The following TSTD2 variants were observed in gnomAD, a reference collection of about 807,000 sequenced individuals.
TSTD2 encodes the protein thiosulfate sulfurtransferase/rhodanese-like domain-containing protein 2.
TSTD2 carries 37 observed loss-of-function variants against 47.9 expected under a neutral mutation model. That is an observed-to-expected ratio of 0.77 (90% confidence interval 0.59 to 1.02). The LOEUF (loss-of-function observed/expected upper bound fraction) is 1.02. Among genes scored for constraint, TSTD2 ranks in the 50% least tolerant of loss-of-function variants. The pLI, the probability that TSTD2 is intolerant of heterozygous loss-of-function variation, is 0.00. For missense variants in TSTD2, 586 were observed against 616.0 expected, an observed-to-expected ratio of 0.95 and a Z score of 0.52; for synonymous variants, 201 against 215.9, an observed-to-expected ratio of 0.93 and a Z score of 0.61.
chr9:97,615,431 C>T (rs60596698), intron 4 of TSTD2, among the ~76,000 whole-genome samples: 17,900 of 152,226 alleles, frequency 0.12, 2,978 homozygotes, highest in African/African-American at 0.36. Context: ...CCAGATCTTA[C>T]TAGCTCCCAA....
intron 6 of TSTD2, among the ~76,000 whole-genome samples, chr9:97,608,169 T>G (rs1405803485): frequency 2.7e-5 from 4 of 150,914 alleles, no homozygotes; most frequent in Non-Finnish European, 5.9e-5. Context: ...AGCAACAGAG[T>G]GAGACTCCAT....
In TSTD2 at chr9:97,605,648, CAT is replaced by C. The variant is rs747733497; in HGVS notation, c.955-9_955-8del. On this transcript the variant is annotated splice_polypyrimidine_tract_variant and splice_region_variant and intron_variant, in intron 7 of 9. Transcript: ENST00000341170. ...AGCAGCCTTGGAATCGTCCCTGTAACATAGGAGCAACAAAAGGAAAATTATCA... is the reference window on the plus strand; with the variant it reads ...AGCAGCCTTGGAATCGTCCCTGTAACAGGAGCAACAAAAGGAAAATTATCA... The C allele has an allele frequency of 1.9e-6, 3 of 1,614,108 alleles. No homozygotes were observed. Among genetic ancestry groups the C allele is most frequent in the African/African-American group, 1.3e-5 (1 of 75,024 alleles).
Position 97,601,386 on chromosome 9 carries a change from A to G in TSTD2, c.*1083T>C, listed in dbSNP as rs901176916. 9.5e-7 allele frequency: 1 copy of G among 1,051,332 alleles called. No homozygotes were observed. Among genetic ancestry groups the G allele is most frequent in the African/African-American group, 1.7e-5 (1 of 58,454 alleles). 65.1% of individuals were successfully genotyped at this position (1,051,332 alleles called of 1,614,324 possible). A position where few individuals can be genotyped will look rare whatever the true frequency, so the allele number is the denominator to read the frequency against. ...AATGTGTCATGTATTCCAGGTGCTG[A>G]TCTAAAAACTGTGGCTCAAATGTCA... On this transcript the variant is annotated 3_prime_UTR_variant, in exon 10 of 10. Transcript: ENST00000341170.
At chr9:97,618,869 A>G (rs1328539690) in intron 3 of TSTD2, among the ~76,000 whole-genome samples, 1 of 152,158 alleles carries the variant, frequency 6.6e-6, no homozygotes, top group East Asian at 1.9e-4. Context: ...CTTCTTGTCT[A>G]TTTTAGATCC....
Position 97,602,244 on chromosome 9 carries a change from C to T in TSTD2, c.*225G>A. 1.8e-6 allele frequency: 1 copy of T among 551,196 alleles called. No homozygotes were observed. Among genetic ancestry groups the T allele is most frequent in the South Asian group, 2.8e-5 (1 of 35,268 alleles). The allele number at this position is 551,196 out of a possible 1,614,324, so 34.1% of individuals were successfully genotyped here. ...CAGCTTTGGGATCCCATGCAGCTCA[C>T]CTATTTTCTGTGCTCTAGCATCATC... On this transcript the variant is annotated 3_prime_UTR_variant, in exon 10 of 10. Coordinates refer to ENST00000341170, the MANE Select transcript of TSTD2 (RefSeq NM_139246.5).
At chr9:97,622,013 C>A (rs1260850646) in intron 3 of TSTD2, among the ~76,000 whole-genome samples, 1 of 152,110 alleles carries the variant, frequency 6.6e-6, no homozygotes, top group Non-Finnish European at 1.5e-5. Context: ...GGACACCTAG[C>A]TGTAAAATTT....
chr9:97,604,723 C>G lies in TSTD2; in HGVS notation c.1252+4G>C. ...GTTTGGGCTCTGAGCCTGTGCTGAC[C>G]TACCTGACACCACATCACTGTTGTA... is the stretch of plus-strand genomic sequence containing the variant. On this transcript the variant is annotated splice_donor_region_variant and intron_variant, in intron 9 of 9. Coordinates refer to ENST00000341170, the MANE Select transcript of TSTD2 (RefSeq NM_139246.5). The G allele has an allele frequency of 6.2e-7, 1 of 1,614,132 alleles. No homozygotes were observed. The highest frequency in any genetic ancestry group is 8.5e-7 in the Non-Finnish European group (1 of 1,179,990).
At chr9:97,607,798 G>A (rs900347659) in intron 6 of TSTD2, among the ~76,000 whole-genome samples, 11 of 152,154 alleles carry the variant, frequency 7.2e-5, no homozygotes, top group African/African-American at 2.7e-4. Flanking sequence ...CAGCTACTCA[G>A]TAGGCTGAGG....
In TSTD2 at chr9:97,600,831, G is replaced by T; in HGVS notation, c.*1638C>A. On this transcript the variant is annotated 3_prime_UTR_variant, in exon 10 of 10. Coordinates refer to ENST00000341170, the MANE Select transcript of TSTD2 (RefSeq NM_139246.5). Reference sequence around the variant, plus strand: ...CAGATCTCTTTTTAACATCATGTGCGTCTCTTGGGATCCAGCAAAAGTGTT... The same window carrying T: ...CAGATCTCTTTTTAACATCATGTGCTTCTCTTGGGATCCAGCAAAAGTGTT... 1 of 1,072,826 alleles carries T rather than the reference G, an allele frequency of 9.3e-7. No homozygotes were observed. The highest frequency in any genetic ancestry group is 1.1e-6 in the Non-Finnish European group (1 of 879,128). The allele number at this position is 1,072,826 out of a possible 1,614,324, so 66.5% of individuals were successfully genotyped here.
chr9:97,607,858 G>A (rs1361378168), intron 6 of TSTD2, among the ~76,000 whole-genome samples: 6 of 152,016 alleles, frequency 3.9e-5, no homozygotes, highest in Non-Finnish European at 7.4e-5. Context: ...GAGCATTCCA[G>A]CCTGGGCAAC....
chr9:97,627,927 A>G (rs1826748855), intron 1 of TSTD2, among the ~76,000 whole-genome samples: 1 of 152,244 alleles, frequency 6.6e-6, no homozygotes, highest in Non-Finnish European at 1.5e-5. Flanking sequence ...ATGAAGAATA[A>G]TCAGCAGGGT....
At position 97,600,893 on chromosome 9, in the gene TSTD2, G is replaced by C; in HGVS notation, c.*1576C>G. 1 of 1,152,700 alleles carries C rather than the reference G, an allele frequency of 8.7e-7. No individual in the cohort carries two copies. The highest frequency in any genetic ancestry group is 1.1e-6 in the Non-Finnish European group (1 of 919,234). The allele number at this position is 1,152,700 out of a possible 1,614,324, so 71.4% of individuals were successfully genotyped here. ...CCCTTGTGCCTTTTAATATACCACA[G>C]TGCCAGTTAAACTAATATTTTTGTT... On this transcript the variant is annotated 3_prime_UTR_variant, in exon 10 of 10. Transcript: ENST00000341170.
chr9:97,625,605 A>G (rs1249176224), intron 3 of TSTD2, 76 bp downstream of exon 3: 1 of 1,404,340 alleles, frequency 7.1e-7, no homozygotes, highest in Non-Finnish European at 9.6e-7. Flanking sequence ...AGCCATTTTA[A>G]TGGGTGAATT....
In TSTD2 at chr9:97,600,873, G is replaced by A. The variant is rs892082026; in HGVS notation, c.*1596C>T. On this transcript the variant is annotated 3_prime_UTR_variant, in exon 10 of 10. Transcript: ENST00000341170. Reference sequence around the variant, plus strand: ...AAAAGTGTTAAGCCACAATGCCCTTGTGCCTTTTAATATACCACAGTGCCA... The same window carrying A: ...AAAAGTGTTAAGCCACAATGCCCTTATGCCTTTTAATATACCACAGTGCCA... 9.0e-6 allele frequency: 10 copies of A among 1,116,562 alleles called. No individual in the cohort carries two copies. Among genetic ancestry groups the A allele is most frequent in the Non-Finnish European group, 7.8e-6 (7 of 902,026 alleles). The allele number at this position is 1,116,562 out of a possible 1,614,324, so 69.2% of individuals were successfully genotyped here.
chr9:97,606,317 ATCATGAC>A, intron 6 of TSTD2, 56 bp from the exon 7 acceptor site: 2 of 1,031,470 alleles, frequency 1.9e-6, no homozygotes, highest in Non-Finnish European at 2.9e-6. Context: ...CCAAAACCCA[ATCATGAC>A]TCACCCAGCC....
chr9:97,632,797 C>T (rs991146059), intron 1 of TSTD2, among the ~76,000 whole-genome samples: 3 of 152,122 alleles, frequency 2.0e-5, no homozygotes, highest in Non-Finnish European at 2.9e-5. Context: ...GGGAAAAGAG[C>T]TAAGAAAGAC....
chr9:97,605,222 G>C (rs1300759642), intron 8 of TSTD2, among the ~76,000 whole-genome samples: 1 of 152,208 alleles, frequency 6.6e-6, no homozygotes, highest in African/African-American at 2.4e-5. Flanking sequence ...AAAAGGATCA[G>C]GAAAAGGGAG....
rs1342850064 is a variant in TSTD2 at position 97,602,464 on chromosome 9, G to T, written c.*5C>A. 1.9e-6 allele frequency: 3 copies of T among 1,588,684 alleles called. No homozygotes were observed. Among genetic ancestry groups the T allele is most frequent in the Non-Finnish European group, 2.6e-6 (3 of 1,164,522 alleles). On this transcript the variant is annotated 3_prime_UTR_variant, in exon 10 of 10. Coordinates refer to ENST00000341170, the MANE Select transcript of TSTD2 (RefSeq NM_139246.5). ...GAGGGCCTGGGAAAATGCCAAAGGTGCTGCTCACATAAGCACTGGCCCATC... is the reference window on the plus strand; with the variant it reads ...GAGGGCCTGGGAAAATGCCAAAGGTTCTGCTCACATAAGCACTGGCCCATC...
intron 3 of TSTD2, among the ~76,000 whole-genome samples, chr9:97,620,731 T>C (rs563172195): frequency 2.0e-5 from 3 of 152,328 alleles, no homozygotes; most frequent in South Asian, 2.1e-4. Context: ...GTGTGGCATT[T>C]TGCCCCTGCC....
Sources: allele counts gnomAD v4.1 joint callset (sites outside exome capture counted in the v4.1 genomes callset), GRCh38; gene constraint gnomAD v4.1.1; transcripts MANE v1.5; gene names NCBI Gene and HGNC (gene_info 2026-07-23, HGNC 2026-07-21).